Variants in CAPN11 observed in about 807,000 individuals in gnomAD.
The protein encoded by CAPN11 is calpain 11.
Under a neutral mutation model 105.3 loss-of-function variants are expected in CAPN11, and 108 were observed. The observed-to-expected ratio is 1.03, with a 90% CI of 0.88 to 1.20. The LOEUF (loss-of-function observed/expected upper bound fraction) is 1.20. CAPN11 is among the 50% of genes most tolerant of loss of function. The pLI, the probability that CAPN11 is intolerant of heterozygous loss-of-function variation, is 0.00. For missense variants in CAPN11, 883 were observed against 924.8 expected (o/e 0.95, Z 0.59); for synonymous variants, 329 against 344.5 (o/e 0.96, Z 0.50).
chr6:44,183,862 C>T (rs749172072), intron 22 of CAPN11, 44 bp from the exon 23 acceptor site: 2 of 1,566,768 alleles, frequency 1.3e-6, no homozygotes, highest in South Asian at 1.2e-5. Context: ...CAGCATCCTG[C>T]CCCCGTCTCT....
chr6:44,169,051 C>T (rs1770511159), intron 2 of CAPN11: 1 of 556,136 alleles, frequency 1.8e-6, no homozygotes, highest in Admixed American at 2.2e-5. Context: ...CCATTTCAGC[C>T]TCCTGAGTAG....
chr6:44,175,881 G>C (rs374935820), intron 7 of CAPN11, among the ~76,000 whole-genome samples, 187 bp from the exon 8 acceptor site: 2 of 152,102 alleles, frequency 1.3e-5, no homozygotes, highest in African/African-American at 4.8e-5. Context: ...TGGGATACAC[G>C]GGATTTCTCT....
chr6:44,166,494 TA>T (rs1018224847), intron 1 of CAPN11, among the ~76,000 whole-genome samples: 3 of 152,134 alleles, frequency 2.0e-5, no homozygotes, highest in African/African-American at 7.2e-5. Flanking sequence ...TCTGCTGTTA[TA>T]ACTAGTCTCT....
At chr6:44,180,326 C>T (rs181718010) in intron 14 of CAPN11, 134 bp from the exon 15 acceptor site, 1 of 932,588 alleles carries the variant, frequency 1.1e-6, no homozygotes, top group African/African-American at 1.6e-5. Context: ...AGAACCAGAA[C>T]TAGAACTAGA....
At chr6:44,167,914 TTG>T (rs1770236604) in intron 2 of CAPN11, among the ~76,000 whole-genome samples, 10 of 58,380 alleles carry the variant, frequency 1.7e-4, no homozygotes, top group East Asian at 1.0e-3. Context: ...AGACTCTGTT[TTG>T]AAAAAAAAAA....
intron 4 of CAPN11, 91 bp from the exon 5 acceptor site, chr6:44,172,211 C>G: frequency 1.3e-6 from 1 of 774,320 alleles, no homozygotes; most frequent in Non-Finnish European, 2.1e-6. Flanking sequence ...GGTACAGGGT[C>G]AAGTTCCTGC....
chr6:44,166,004 C>T (rs1277345574), intron 1 of CAPN11, among the ~76,000 whole-genome samples: 1 of 151,938 alleles, frequency 6.6e-6, no homozygotes, highest in East Asian at 1.9e-4. Flanking sequence ...AATTAGGGTC[C>T]TAGGAGGGGA....
At chr6:44,170,867 C>T (rs1390500381) in intron 4 of CAPN11, among the ~76,000 whole-genome samples, 1 of 151,920 alleles carries the variant, frequency 6.6e-6, no homozygotes, top group Non-Finnish European at 1.5e-5. Context: ...TAAGTCTGGT[C>T]CCGTTCAAGG....
rs540486701 is a variant in CAPN11 at position 44,166,762 on chromosome 6, G to A, written c.21G>A (p.Pro7=). 5.2e-6 allele frequency: 8 copies of A among 1,551,638 alleles called. No homozygotes were observed. The highest frequency in any genetic ancestry group is 2.7e-5 in the African/African-American group (2 of 73,104). MLYSPG[P]SLPESAESLD... is the part of the protein sequence containing the mutation. ...TCCCACTCTTTCTTATTCTAGGGCC[G>A]AGTCTTCCGGAGTCAGCAGAGAGCC... Residue 7 remains proline (P), a synonymous_variant, in exon 2 of 23, where the codon CCG becomes CCA. Coordinates refer to ENST00000398776, the MANE Select transcript of CAPN11 (RefSeq NM_007058.4).
rs1238294341 is a variant in CAPN11, at chr6:44,177,226, C to T, written c.1238-16C>T. 7 of 1,562,338 alleles carry T rather than the reference C, an allele frequency of 4.5e-6. 1 individual carries two copies. The Admixed American group carries it at 5.8e-5, about 13-fold the overall frequency. ...GGAAGCCCCCGTATAACCACGCTGA[C>T]CCACTTCCGCCACAGGCACGTTCTG... On this transcript the variant is annotated splice_polypyrimidine_tract_variant and intron_variant, in intron 11 of 22. Coordinates refer to ENST00000398776, the MANE Select transcript of CAPN11 (RefSeq NM_007058.4).
chr6:44,180,472 A>G lies in CAPN11; in HGVS notation c.1653A>G (p.Glu551=), dbSNP rs750424053. 2.5e-6 allele frequency: 4 copies of G among 1,613,754 alleles called. No homozygotes were observed. The highest frequency in any genetic ancestry group is 2.5e-6 in the Non-Finnish European group (3 of 1,179,844). The change falls in exon 15 of 23, where the codon GAA becomes GAG. Residue 551 remains glutamate (E), a synonymous_variant. Transcript: ENST00000398776. ...EKHSESWELD[E]VNYAEQLQEE... is the part of the protein sequence containing the mutation. The stretch of plus-strand genomic sequence containing the variant: ...TCATTTTGCCCAGGGAATTGGATGA[A>G]GTCAACTATGCTGAGCAACTCCAAG...
chr6:44,176,779 G>A (rs1772108745), intron 10 of CAPN11, 59 bp from the exon 11 acceptor site: 2 of 1,600,300 alleles, frequency 1.2e-6, no homozygotes, highest in Non-Finnish European at 1.7e-6. Flanking sequence ...GTGGTTCAGG[G>A]AGAGGGAACT....
chr6:44,181,952 CT>C (rs1350858151), intron 19 of CAPN11, among the ~76,000 whole-genome samples: 1 of 105,838 alleles, frequency 9.4e-6, no homozygotes, highest in African/African-American at 4.0e-5. Context: ...CCACACCACA[CT>C]CACACACACA....
chr6:44,179,841 TTGG>T, intron 13 of CAPN11, 108 bp from the exon 14 acceptor site: 1 of 938,820 alleles, frequency 1.1e-6, no homozygotes, highest in Non-Finnish European at 1.7e-6. Context: ...GCCAGGTCAG[TTGG>T]TGGTGGCACC....
intron 1 of CAPN11, among the ~76,000 whole-genome samples, chr6:44,162,655 G>T (rs1769106979): frequency 6.6e-6 from 1 of 152,108 alleles, no homozygotes; most frequent in Non-Finnish European, 1.5e-5. Context: ...GGGAAAGGGG[G>T]ATAGTCATTC....
In CAPN11 at chr6:44,183,764, G is replaced by T. The variant is rs1307969523; in HGVS notation, c.2193+1G>T. On this transcript the variant is annotated splice_donor_variant, in intron 22 of 22. Coordinates refer to ENST00000398776, the MANE Select transcript of CAPN11 (RefSeq NM_007058.4). LOFTEE classifies it high-confidence loss of function. ...CCATATTTGCTTGAGCCTGGAACAG[G>T]TACTTGGAGAAGGGTGGGAAGGAAT... The T allele has an allele frequency of 1.2e-6, 2 of 1,613,554 alleles. No homozygotes were observed. The highest frequency in any genetic ancestry group is 1.3e-5 in the African/African-American group (1 of 74,914).
intron 14 of CAPN11, 126 bp from the exon 15 acceptor site, chr6:44,180,334 A>T (rs1772919602): frequency 1.0e-6 from 1 of 974,670 alleles, no homozygotes; most frequent in African/African-American, 1.6e-5. Context: ...AACTAGAACT[A>T]GAACCCATAT....
At chr6:44,159,764 T>C (rs1768366026) in intron 1 of CAPN11, among the ~76,000 whole-genome samples, 1 of 152,106 alleles carries the variant, frequency 6.6e-6, no homozygotes, top group South Asian at 2.1e-4. Context: ...CACAACATCT[T>C]AGTTTTTTCC....
intron 15 of CAPN11, 46 bp from the exon 16 acceptor site, chr6:44,180,551 A>C (rs775791520): frequency 1.2e-6 from 2 of 1,613,748 alleles, no homozygotes; most frequent in Non-Finnish European, 8.5e-7. Flanking sequence ...TGGGCCTGTG[A>C]AAGAAGTTTT....
Sources: allele counts gnomAD v4.1 joint callset (sites outside exome capture counted in the v4.1 genomes callset), GRCh38; gene constraint gnomAD v4.1.1; transcripts MANE v1.5; gene names NCBI Gene and HGNC (gene_info 2026-07-23, HGNC 2026-07-21).